Variants in ZDHHC15 observed in about 807,000 individuals in gnomAD.
ZDHHC15 encodes the protein palmitoyltransferase ZDHHC15.
A neutral mutation model predicts 31.7 loss-of-function variants in ZDHHC15; 19 were observed. That is an observed-to-expected ratio of 0.60 (90% confidence interval 0.42 to 0.88). ZDHHC15 has a LOEUF of 0.88. Among genes scored for constraint, ZDHHC15 ranks in the 40% least tolerant of loss-of-function variants. The probability of loss-of-function intolerance (pLI) is 0.00; values close to 1 mark genes in which losing one functional copy is unlikely to be tolerated. For synonymous variants in ZDHHC15, 103 were observed against 90.0 expected, an observed-to-expected ratio of 1.14 and a Z score of -0.82; for missense variants, 209 against 251.2, an observed-to-expected ratio of 0.83 and a Z score of 1.14.
intron 10 of ZDHHC15, among the ~76,000 whole-genome samples, chrX:75,415,743 T>A (rs979878817): frequency 3.5e-5 from 4 of 112,678 alleles, no homozygotes; most frequent in Non-Finnish European, 5.6e-5. Context: ...AATAACATAC[T>A]AATTTTTAAT....
At chrX:75,502,596 C>T (rs1432094090) in intron 2 of ZDHHC15, among the ~76,000 whole-genome samples, 1 of 111,454 alleles carries the variant, frequency 9.0e-6, no homozygotes, top group Non-Finnish European at 1.9e-5. Context: ...AGAAGAGCAA[C>T]TGTGGGCAAC....
rs185233590 is a variant in ZDHHC15, at chrX:75,496,182, C to A, written c.163+9639G>T. 7.2e-4 allele frequency among the ~76,000 whole-genome samples: 80 copies of A among 110,513 alleles called. No individual in the cohort carries two copies. The East Asian group carries it at 0.015, about 21-fold the overall frequency. Reference sequence around the variant, plus strand: ...AAAAGATATTCAATGCCAATGGAAACCAAAAGTGAACCAGAGTAGCTATTC... The same window carrying A: ...AAAAGATATTCAATGCCAATGGAAAACAAAAGTGAACCAGAGTAGCTATTC... On this transcript the variant is annotated intron_variant, in intron 2 of 11. Coordinates refer to ENST00000373367, the MANE Select transcript of ZDHHC15 (RefSeq NM_144969.3).
intron 3 of ZDHHC15, among the ~76,000 whole-genome samples, chrX:75,458,831 G>C (rs368376250): frequency 9.2e-6 from 1 of 109,197 alleles, no homozygotes; most frequent in African/African-American, 3.3e-5. Flanking sequence ...GCAGCAGTCC[G>C]TGGCACTCAT....
chrX:75,396,211 A>T (rs192533180), intron 10 of ZDHHC15, among the ~76,000 whole-genome samples: 330 of 111,812 alleles, frequency 3.0e-3, no homozygotes, highest in African/African-American at 9.7e-3. Context: ...GAAAAGACAA[A>T]CCACAGAATG....
At chrX:75,416,645 T>C (rs1453222604) in intron 10 of ZDHHC15, among the ~76,000 whole-genome samples, 1 of 111,911 alleles carries the variant, frequency 8.9e-6, no homozygotes, top group East Asian at 2.8e-4. Flanking sequence ...GCCCCATTAC[T>C]ATCTTTTAGT....
intron 2 of ZDHHC15, 136 bp downstream of exon 2, chrX:75,505,685 A>G: frequency 1.4e-6 from 1 of 704,726 alleles, no homozygotes; most frequent in East Asian, 3.3e-5. Context: ...CTTCCTGAAA[A>G]CCATCATTCT....
At chrX:75,392,380 G>A (rs1389573672) in intron 10 of ZDHHC15, among the ~76,000 whole-genome samples, 3 of 111,685 alleles carry the variant, frequency 2.7e-5, no homozygotes, top group African/African-American at 9.8e-5. Flanking sequence ...ATTAAGGGTG[G>A]GCCTGCCTTT....
chrX:75,390,607 T>C (rs1280599193), intron 10 of ZDHHC15, among the ~76,000 whole-genome samples: 1 of 111,464 alleles, frequency 9.0e-6, no homozygotes, highest in Non-Finnish European at 1.9e-5. Context: ...ACCACCAAGA[T>C]GGTATTTATA....
intron 10 of ZDHHC15, among the ~76,000 whole-genome samples, chrX:75,395,115 G>A (rs2083285519): frequency 1.8e-5 from 2 of 111,425 alleles, no homozygotes; most frequent in Non-Finnish European, 3.8e-5. Flanking sequence ...TGAATTACCA[G>A]TAGATCAATA....
Position 75,370,656 on chromosome X carries a change from T to G in ZDHHC15, c.*2322A>C. 2 of 109,001 alleles carry G rather than the reference T, an allele frequency of 1.8e-5. No homozygotes were observed. The highest frequency in any genetic ancestry group is 5.8e-4 in the East Asian group (2 of 3,421). The allele number at this position is 109,001 out of a possible 1,213,427, so 9.0% of individuals were successfully genotyped here. ...AAGCGATTCTCCTGCCTCAGCCTCCTGAGTAGCTGGGATTACAGTCATGCA... is the reference window on the plus strand; with the variant it reads ...AAGCGATTCTCCTGCCTCAGCCTCCGGAGTAGCTGGGATTACAGTCATGCA... On this transcript the variant is annotated 3_prime_UTR_variant, in exon 12 of 12. Coordinates refer to ENST00000373367, the MANE Select transcript of ZDHHC15 (RefSeq NM_144969.3).
intron 3 of ZDHHC15, among the ~76,000 whole-genome samples, chrX:75,453,450 C>T (rs1214387494): frequency 9.0e-6 from 1 of 111,475 alleles, no homozygotes; most frequent in African/African-American, 3.3e-5. Context: ...CAGCCAAGTT[C>T]TACCAGAGGT....
intron 9 of ZDHHC15, among the ~76,000 whole-genome samples, chrX:75,418,190 C>T (rs2083571000): frequency 9.0e-6 from 1 of 111,574 alleles, no homozygotes; most frequent in African/African-American, 3.3e-5. Flanking sequence ...ATAGTTTTGC[C>T]TTGTGATTTA....
At chrX:75,396,608 C>A (rs191793653) in intron 10 of ZDHHC15, among the ~76,000 whole-genome samples, 1 of 111,544 alleles carries the variant, frequency 9.0e-6, no homozygotes, top group East Asian at 2.8e-4. Flanking sequence ...AAAAATAGAG[C>A]TAACATATGA....
At chrX:75,413,384 G>A (rs1004666666) in intron 10 of ZDHHC15, among the ~76,000 whole-genome samples, 1 of 111,582 alleles carries the variant, frequency 9.0e-6, no homozygotes, top group Non-Finnish European at 1.9e-5. Flanking sequence ...AAAGAGTTCG[G>A]CAACTAATTT....
At position 75,517,404 on chromosome X, in the gene ZDHHC15, T is replaced by G. The variant is rs1316861316; in HGVS notation, c.136+5485A>C. On this transcript the variant is annotated intron_variant, in intron 1 of 11. Transcript: ENST00000373367. ...CATATACACCATGGAATACTATGCA[T>G]CCATAAAAAAGGATGAGTTCATGTC... 3.0e-4 allele frequency among the ~76,000 whole-genome samples: 33 copies of G among 109,591 alleles called. 1 individual carries two copies. In the South Asian group the frequency reaches 6.4e-3, roughly 21 times the overall value.
chrX:75,406,462 A>G (rs953161819), intron 10 of ZDHHC15, among the ~76,000 whole-genome samples: 4 of 111,580 alleles, frequency 3.6e-5, no homozygotes, highest in African/African-American at 6.5e-5. Flanking sequence ...TTAACCAAGG[A>G]AAAAAGAGAG....
intron 4 of ZDHHC15, among the ~76,000 whole-genome samples, chrX:75,436,683 C>T (rs1401523221): frequency 1.8e-5 from 2 of 112,050 alleles, no homozygotes; most frequent in Non-Finnish European, 3.8e-5. Context: ...TTGTATTCCA[C>T]TGTGGTCTGA....
In ZDHHC15 at chrX:75,514,418, G is replaced by T. The variant is rs1262318331; in HGVS notation, c.136+8471C>A. On this transcript the variant is annotated intron_variant, in intron 1 of 11. Transcript: ENST00000373367. ...ATTAAATTAAGCTGGTATTCAACAGGATCATTCCAAGATGGCTGAATAGGA... is the reference window on the plus strand; with the variant it reads ...ATTAAATTAAGCTGGTATTCAACAGTATCATTCCAAGATGGCTGAATAGGA... 7.1e-5 allele frequency among the ~76,000 whole-genome samples: 8 copies of T among 111,956 alleles called. No homozygotes were observed. In the East Asian group the frequency reaches 2.0e-3, roughly 27 times the overall value.
intron 10 of ZDHHC15, among the ~76,000 whole-genome samples, chrX:75,380,902 C>A (rs181431503): frequency 1.8e-5 from 2 of 111,418 alleles, no homozygotes; most frequent in Admixed American, 1.9e-4. Flanking sequence ...CCTAGATCTC[C>A]TTTACTTTAA....
Sources: allele counts gnomAD v4.1 joint callset (sites outside exome capture counted in the v4.1 genomes callset), GRCh38; gene constraint gnomAD v4.1.1; transcripts MANE v1.5; gene names NCBI Gene and HGNC (gene_info 2026-07-23, HGNC 2026-07-21).